ENTREP2: variants seen among roughly 807,000 people sequenced by gnomAD.
The protein encoded by ENTREP2 is protein ENTREP2.
chr15:29,276,352 C>T, the ENTREP2 span, among the ~76,000 whole-genome samples: 3 of 152,352 alleles, frequency 2.0e-5, no homozygotes, highest in East Asian at 5.8e-4. Flanking sequence ...ATAGTGGTCA[C>T]TAAGATTCTC....
At chr15:29,606,425 G>C in the ENTREP2 span, among the ~76,000 whole-genome samples, 1 of 151,436 alleles carries the variant, frequency 6.6e-6, no homozygotes, top group African/African-American at 2.4e-5. Context: ...TAGTAGAGAC[G>C]GGGTTTCACC....
At chr15:29,652,841 C>T in the ENTREP2 span, among the ~76,000 whole-genome samples, 2 of 152,140 alleles carry the variant, frequency 1.3e-5, no homozygotes, top group South Asian at 2.1e-4. Flanking sequence ...CCTTGGCAGC[C>T]GTGGATCCAG....
At chr15:29,456,767 G>C in the ENTREP2 span, among the ~76,000 whole-genome samples, 272 of 152,312 alleles carry the variant, frequency 1.8e-3, 5 homozygotes, top group East Asian at 0.044. Flanking sequence ...TGGCTACTTG[G>C]AGGAAAGTTT....
At chr15:29,649,508 G>T in the ENTREP2 span, among the ~76,000 whole-genome samples, 2 of 151,920 alleles carry the variant, frequency 1.3e-5, no homozygotes, top group South Asian at 4.2e-4. Flanking sequence ...ATCACCTGAG[G>T]TCAGGAGTTT....
the ENTREP2 span, among the ~76,000 whole-genome samples, chr15:29,561,338 C>G: frequency 6.6e-6 from 1 of 152,038 alleles, no homozygotes; most frequent in South Asian, 2.1e-4. Flanking sequence ...TATATACATA[C>G]ATACATAGGA....
chr15:29,627,398 C>G, the ENTREP2 span, among the ~76,000 whole-genome samples: 14 of 152,094 alleles, frequency 9.2e-5, no homozygotes, highest in Non-Finnish European at 1.5e-4. Flanking sequence ...CAAAAATTAG[C>G]CAGCCATGGT....
the ENTREP2 span, among the ~76,000 whole-genome samples, chr15:29,542,370 C>T: frequency 0.34 from 51,571 of 151,624 alleles, 8,891 homozygotes; most frequent in East Asian, 0.41. Context: ...GTGATCTCAG[C>T]TCACTGCAAG....
At chr15:29,520,730 C>CA in the ENTREP2 span, among the ~76,000 whole-genome samples, 9 of 152,206 alleles carry the variant, frequency 5.9e-5, no homozygotes, top group South Asian at 1.7e-3. Flanking sequence ...CTGCAGAATA[C>CA]AAGAGCAATA....
At chr15:29,159,290 T>G in the ENTREP2 span, among the ~76,000 whole-genome samples, 1 of 152,100 alleles carries the variant, frequency 6.6e-6, no homozygotes, top group East Asian at 1.9e-4. Context: ...TTCCTCCCGA[T>G]AGGTTCGTGG....
chr15:29,584,397 C>T, the ENTREP2 span, among the ~76,000 whole-genome samples: 1 of 151,954 alleles, frequency 6.6e-6, no homozygotes, highest in Admixed American at 6.6e-5. Flanking sequence ...TCAACCTAAT[C>T]ATCCATTGAT....
chr15:29,559,537 C>T, the ENTREP2 span, among the ~76,000 whole-genome samples: 3 of 152,156 alleles, frequency 2.0e-5, no homozygotes, highest in Non-Finnish European at 4.4e-5. Context: ...TCTCACTGGG[C>T]TAAATTCAAG....
At chr15:29,467,161 G>C in the ENTREP2 span, among the ~76,000 whole-genome samples, 1 of 152,078 alleles carries the variant, frequency 6.6e-6, no homozygotes, top group African/African-American at 2.4e-5. Context: ...GGGGTGGAGG[G>C]AGGGAATCCA....
chr15:29,666,645 T>A, the ENTREP2 span, among the ~76,000 whole-genome samples: 2 of 152,194 alleles, frequency 1.3e-5, no homozygotes, highest in Non-Finnish European at 2.9e-5. Context: ...GCATCCCTGT[T>A]TCTTGGGCCT....
chr15:29,160,814 GT>G, the ENTREP2 span, among the ~76,000 whole-genome samples: 6 of 150,868 alleles, frequency 4.0e-5, no homozygotes, highest in Admixed American at 2.0e-4. Context: ...TCATTCAGTA[GT>G]TTTTTTCCTA....
the ENTREP2 span, among the ~76,000 whole-genome samples, chr15:29,174,555 G>T: frequency 6.6e-6 from 1 of 152,186 alleles, no homozygotes; most frequent in African/African-American, 2.4e-5. Flanking sequence ...CGGGCATGGT[G>T]GCGGGCGCCT....
the ENTREP2 span, among the ~76,000 whole-genome samples, chr15:29,522,375 C>T: frequency 6.6e-6 from 1 of 152,084 alleles, no homozygotes; most frequent in Non-Finnish European, 1.5e-5. Context: ...AAAAAGAATC[C>T]TCAAACTTTA....
At chr15:29,357,704 T>C in the ENTREP2 span, among the ~76,000 whole-genome samples, 1 of 152,018 alleles carries the variant, frequency 6.6e-6, no homozygotes, top group African/African-American at 2.4e-5. Context: ...CCGGGCGTGG[T>C]GGCGGGCGCC....
chr15:29,329,541 C>T, the ENTREP2 span, among the ~76,000 whole-genome samples: 1 of 152,132 alleles, frequency 6.6e-6, no homozygotes, highest in Non-Finnish European at 1.5e-5. Flanking sequence ...CTCTCCCCCA[C>T]CCAGTAATAA....
chr15:29,567,153 A>G, the ENTREP2 span, among the ~76,000 whole-genome samples: 2 of 152,164 alleles, frequency 1.3e-5, no homozygotes, highest in Non-Finnish European at 2.9e-5. Flanking sequence ...ACAGCCCGGC[A>G]CAGGAAAACC....
Sources: gnomAD v4.1 joint callset for allele counts (sites outside exome capture counted in the v4.1 genomes callset) on GRCh38, gnomAD v4.1.1 for gene constraint, MANE v1.5 for transcripts, NCBI Gene and HGNC (gene_info 2026-07-23, HGNC 2026-07-21) for gene names.